RTF1: variants seen among roughly 807,000 people sequenced by gnomAD.
The protein encoded by RTF1 is RNA polymerase-associated protein RTF1 homolog.
RTF1 carries 10 observed loss-of-function variants against 95.7 expected under a neutral mutation model. The ratio of observed to expected loss-of-function variants is 0.10; its 90% CI spans 0.06 to 0.18. The LOEUF is 0.18. Among genes scored for constraint, RTF1 ranks in the 10% least tolerant of loss-of-function variants. The pLI is 1.00. For synonymous variants in RTF1, 305 were observed against 311.8 expected (o/e 0.98, Z 0.23); for missense variants, 458 against 875.6 (o/e 0.52, Z 6.02).
chr15:41,423,565 C>T (rs1227774986), intron 1 of RTF1, among the ~76,000 whole-genome samples: 1 of 151,982 alleles, frequency 6.6e-6, no homozygotes, highest in African/African-American at 2.4e-5. Context: ...GATGGGGTTT[C>T]TCCATGTTGG....
At chr15:41,421,372 C>T (rs1003834544) in intron 1 of RTF1, among the ~76,000 whole-genome samples, 2 of 151,846 alleles carry the variant, frequency 1.3e-5, no homozygotes, top group African/African-American at 2.4e-5. Context: ...AGGAGAATCA[C>T]TTGAACCCAG....
At position 41,480,930 on chromosome 15, in the gene RTF1, T is replaced by C. The variant is rs968397341; in HGVS notation, c.*243T>C. The stretch of plus-strand genomic sequence containing the variant: ...GTGTGGGCCTGGGCTCTCTTGGGCT[T>C]TATCCATGTCTTTAGATTTGTGTTT... On this transcript the variant is annotated 3_prime_UTR_variant, in exon 18 of 18. Transcript: ENST00000389629. 10 of 521,812 alleles carry C rather than the reference T, an allele frequency of 1.9e-5. No homozygotes were observed. The highest frequency in any genetic ancestry group is 1.9e-4 in the African/African-American group (10 of 52,552). 32.3% of individuals were successfully genotyped at this position (521,812 alleles called of 1,614,324 possible).
At chr15:41,467,277 A>C (rs2050885359) in intron 6 of RTF1, among the ~76,000 whole-genome samples, 1 of 152,108 alleles carries the variant, frequency 6.6e-6, no homozygotes, top group Non-Finnish European at 1.5e-5. Context: ...TGGTGATGAC[A>C]GAAGTATAAA....
At chr15:41,468,691 T>G (rs2140649440) in intron 6 of RTF1, among the ~76,000 whole-genome samples, 1 of 152,236 alleles carries the variant, frequency 6.6e-6, no homozygotes, top group East Asian at 1.9e-4. Flanking sequence ...GATAAATGCT[T>G]GATTAATTTT....
chr15:41,468,826 A>C (rs1442266160), intron 6 of RTF1, among the ~76,000 whole-genome samples: 1 of 152,194 alleles, frequency 6.6e-6, no homozygotes, highest in African/African-American at 2.4e-5. Flanking sequence ...TTTTAAAGAG[A>C]GAGAGAGAGA....
At chr15:41,460,039 G>A (rs1417965070) in intron 4 of RTF1, among the ~76,000 whole-genome samples, 1 of 151,600 alleles carries the variant, frequency 6.6e-6, no homozygotes, top group African/African-American at 2.4e-5. Context: ...ACCATATTAA[G>A]TATGCTGAGT....
chr15:41,442,633 C>T (rs922196771), intron 2 of RTF1, among the ~76,000 whole-genome samples: 3 of 152,022 alleles, frequency 2.0e-5, no homozygotes, highest in Non-Finnish European at 4.4e-5. Flanking sequence ...CACCTGTAAT[C>T]CCAGCACTTT....
At chr15:41,449,317 G>C (rs1185061105) in intron 2 of RTF1, among the ~76,000 whole-genome samples, 1 of 141,238 alleles carries the variant, frequency 7.1e-6, no homozygotes, top group South Asian at 2.3e-4. Flanking sequence ...TGCAAGCTCC[G>C]CCTCCCGGGT....
At chr15:41,446,419 AG>A (rs1299746318) in intron 2 of RTF1, among the ~76,000 whole-genome samples, 4 of 152,206 alleles carry the variant, frequency 2.6e-5, no homozygotes, top group African/African-American at 9.6e-5. Flanking sequence ...ACAAAAAATT[AG>A]CCAGGCGTGG....
intron 2 of RTF1, among the ~76,000 whole-genome samples, chr15:41,447,721 G>A (rs1219519113): frequency 1.3e-5 from 2 of 152,182 alleles, no homozygotes; most frequent in Non-Finnish European, 2.9e-5. Context: ...TGGTTTTTGA[G>A]CAGTGGTCAT....
chr15:41,435,166 CA>C (rs890711921), intron 1 of RTF1, among the ~76,000 whole-genome samples: 1 of 151,896 alleles, frequency 6.6e-6, no homozygotes, highest in African/African-American at 2.4e-5. Context: ...CAATTGGTAT[CA>C]AAACAGGAGT....
intron 2 of RTF1, among the ~76,000 whole-genome samples, chr15:41,451,562 G>C (rs963759484): frequency 8.5e-5 from 13 of 152,156 alleles, no homozygotes; most frequent in African/African-American, 3.1e-4. Flanking sequence ...TCCAGTTTAA[G>C]TGTCATGTTA....
chr15:41,479,541 A>C (rs1211496512), intron 16 of RTF1, among the ~76,000 whole-genome samples: 3 of 152,150 alleles, frequency 2.0e-5, no homozygotes, highest in African/African-American at 7.2e-5. Flanking sequence ...GTAAAAGTGA[A>C]AGCTTGTTGA....
intron 4 of RTF1, among the ~76,000 whole-genome samples, chr15:41,460,680 GTGACTTCT>G (rs1346068056): frequency 6.6e-6 from 1 of 151,810 alleles, no homozygotes; most frequent in Non-Finnish European, 1.5e-5. Flanking sequence ...GACTGATTCA[GTGACTTCT>G]TAAAAAAAAA....
At chr15:41,472,943 C>T (rs186747819) in intron 8 of RTF1, among the ~76,000 whole-genome samples, 15 of 150,976 alleles carry the variant, frequency 9.9e-5, no homozygotes, top group African/African-American at 3.4e-4. Context: ...CCTCGTGATC[C>T]GCCCGCCTCG....
In RTF1 at chr15:41,453,027, G is replaced by C; in HGVS notation, c.436G>C (p.Glu146Gln). The change falls in exon 3 of 18, where the codon GAG (glutamate) becomes CAG (glutamine). Residue 146 changes from glutamate (E) to glutamine (Q), a missense_variant. Around this residue, in one of 11 missense-constraint regions of RTF1, gnomAD observed 39 missense variants for 38.4 expected, o/e 1.02. Coordinates refer to ENST00000389629, the MANE Select transcript of RTF1 (RefSeq NM_015138.5). Reference protein sequence around the residue: ...SGSSDKDSSAESSAPEEGEVS... With the variant: ...SGSSDKDSSAQSSAPEEGEVS... ...CAGTTCAGACAAAGACAGTTCAGCTGAGAGCTCAGCCCCTGAGGAAGGTGA... is the reference window on the plus strand; with the variant it reads ...CAGTTCAGACAAAGACAGTTCAGCTCAGAGCTCAGCCCCTGAGGAAGGTGA... 1 of 1,603,848 alleles carries C rather than the reference G, an allele frequency of 6.2e-7. No homozygotes were observed. The highest frequency in any genetic ancestry group is 8.5e-7 in the Non-Finnish European group (1 of 1,177,288).
In RTF1 at chr15:41,438,239, C is replaced by T. The variant is rs989075233; in HGVS notation, c.199-82C>T. 9.2e-5 allele frequency: 84 copies of T among 908,260 alleles called. 1 individual carries two copies. Among genetic ancestry groups the T allele is most frequent in the Non-Finnish European group, 1.1e-4 (68 of 603,422 alleles). The allele number at this position is 908,260 out of a possible 1,614,324, so 56.3% of individuals were successfully genotyped here. Reference sequence around the variant, plus strand: ...GAAAACACAAAAATATAAAAAAGATCTAGAGAGGGTGGGCATTTTATTATT... The same window carrying T: ...GAAAACACAAAAATATAAAAAAGATTTAGAGAGGGTGGGCATTTTATTATT... On this transcript the variant is annotated intron_variant, in intron 1 of 17. Coordinates refer to ENST00000389629, the MANE Select transcript of RTF1 (RefSeq NM_015138.5).
chr15:41,428,600 TCTCA>T (rs1391762559), intron 1 of RTF1, among the ~76,000 whole-genome samples: 1 of 148,218 alleles, frequency 6.7e-6, no homozygotes, highest in African/African-American at 2.5e-5. Flanking sequence ...GAAGACAGGG[TCTCA>T]CTCTGTTACC....
rs984003248 is a variant in RTF1 at position 41,464,755 on chromosome 15, A to G, written c.663-16A>G. 2 of 1,538,882 alleles carry G rather than the reference A, an allele frequency of 1.3e-6. No individual in the cohort carries two copies. The highest frequency in any genetic ancestry group is 1.8e-6 in the Non-Finnish European group (2 of 1,139,666). ...ACATTTCATTGCTACTTAAAAACCAAATATCTTTTAACCAGATTTGAAATC... is the reference window on the plus strand; with the variant it reads ...ACATTTCATTGCTACTTAAAAACCAGATATCTTTTAACCAGATTTGAAATC... On this transcript the variant is annotated splice_polypyrimidine_tract_variant and intron_variant, in intron 4 of 17. Transcript: ENST00000389629.
Sources: gnomAD v4.1 joint callset for allele counts (sites outside exome capture counted in the v4.1 genomes callset) on GRCh38, gnomAD v4.1.1 for gene constraint, gnomAD v4.1.1 regional missense constraint, MANE v1.5 for transcripts, NCBI Gene and HGNC (gene_info 2026-07-23, HGNC 2026-07-21) for gene names.